The following NRG3 variants were observed in gnomAD, a reference collection of about 807,000 sequenced individuals.
The protein encoded by NRG3 is neuregulin 3.
NRG3 carries 31 observed loss-of-function variants against 66.9 expected under a neutral mutation model. The observed-to-expected ratio is 0.46, with a 90% CI of 0.35 to 0.63. The LOEUF (loss-of-function observed/expected upper bound fraction) is 0.63. NRG3 is among the 20% of genes least tolerant of loss of function. The pLI, the probability that NRG3 is intolerant of heterozygous loss-of-function variation, is 0.00. For missense variants in NRG3, 910 were observed against 878.9 expected, an observed-to-expected ratio of 1.04 and a Z score of -0.45; for synonymous variants, 393 against 359.4, an observed-to-expected ratio of 1.09 and a Z score of -1.06.
At chr10:82,943,196 G>C (rs1374591361) in intron 4 of NRG3, among the ~76,000 whole-genome samples, 1 of 152,126 alleles carries the variant, frequency 6.6e-6, no homozygotes, top group East Asian at 1.9e-4. Context: ...ATTATTCTAG[G>C]CACTTTGTTC....
rs577751138 is a variant in NRG3 at position 82,971,943 on chromosome 10, T to G, written c.1285-1845T>G. 1.8e-4 allele frequency among the ~76,000 whole-genome samples: 28 copies of G among 152,310 alleles called. No individual in the cohort carries two copies. In the South Asian group the frequency reaches 5.6e-3, roughly 30 times the overall value. ...ACATTGCAGGGTATATCTTTACCAATTCTGTCGACTTTTTTCTCTGTTGTT... is the reference window on the plus strand; with the variant it reads ...ACATTGCAGGGTATATCTTTACCAAGTCTGTCGACTTTTTTCTCTGTTGTT... On this transcript the variant is annotated intron_variant, in intron 6 of 8. Coordinates refer to ENST00000372141, the MANE Select transcript of NRG3 (RefSeq NM_001010848.4).
At chr10:82,087,375 C>A (rs929764106) in intron 1 of NRG3, among the ~76,000 whole-genome samples, 1 of 152,140 alleles carries the variant, frequency 6.6e-6, no homozygotes, top group African/African-American at 2.4e-5. Flanking sequence ...ACACCAGTAT[C>A]TGCTGATTTA....
intron 1 of NRG3, among the ~76,000 whole-genome samples, chr10:82,045,782 A>C (rs1369059507): frequency 1.4e-5 from 1 of 69,140 alleles, no homozygotes; most frequent in African/African-American, 4.9e-5. Context: ...AGCTTTCTAC[A>C]TATGGCTAGC....
chr10:81,966,480 T>A (rs2059735094), intron 1 of NRG3, among the ~76,000 whole-genome samples: 1 of 152,090 alleles, frequency 6.6e-6, no homozygotes, highest in Non-Finnish European at 1.5e-5. Flanking sequence ...ATTTATTTAT[T>A]TATATTTTTT....
rs186783975 is a variant in NRG3, at chr10:82,049,109, A to T, written c.823+172946A>T. 2.1e-4 allele frequency among the ~76,000 whole-genome samples: 32 copies of T among 152,258 alleles called. 1 individual carries two copies. The East Asian group carries it at 6.0e-3, about 29-fold the overall frequency. On this transcript the variant is annotated intron_variant, in intron 1 of 8. Transcript: ENST00000372141. ...AATAATGTTATTCAAAGTTCATCTG[A>T]CATGCTTTTTCATTTATTCTTCGTA...
At chr10:82,600,191 A>G (rs974335660) in intron 2 of NRG3, among the ~76,000 whole-genome samples, 45 of 152,288 alleles carry the variant, frequency 3.0e-4, no homozygotes, top group Admixed American at 2.9e-3. Flanking sequence ...TGCCTGTTTC[A>G]ATAGCTGTAA....
intron 3 of NRG3, among the ~76,000 whole-genome samples, chr10:82,771,902 C>A (rs569145255): frequency 6.6e-6 from 1 of 152,046 alleles, no homozygotes; most frequent in Non-Finnish European, 1.5e-5. Context: ...TTTGATTTCT[C>A]CCTCTTACTT....
chr10:82,360,787 G>C (rs529786622), intron 2 of NRG3, among the ~76,000 whole-genome samples: 24 of 151,830 alleles, frequency 1.6e-4, no homozygotes, highest in African/African-American at 5.6e-4. Context: ...ACTTATAGAT[G>C]GTCAAGGAGA....
At chr10:82,019,368 G>T (rs2061947508) in intron 1 of NRG3, among the ~76,000 whole-genome samples, 1 of 152,204 alleles carries the variant, frequency 6.6e-6, no homozygotes, top group Non-Finnish European at 1.5e-5. Flanking sequence ...TTGCATCAAT[G>T]TTCATCTGGG....
intron 1 of NRG3, among the ~76,000 whole-genome samples, chr10:82,042,521 GTA>G (rs1484078495): frequency 6.6e-6 from 1 of 151,950 alleles, no homozygotes; most frequent in East Asian, 1.9e-4. Context: ...TGGTGCTACT[GTA>G]TTTTTCCCCA....
chr10:81,991,122 T>G (rs555791493), intron 1 of NRG3, among the ~76,000 whole-genome samples: 1 of 152,150 alleles, frequency 6.6e-6, no homozygotes, highest in Admixed American at 6.5e-5. Flanking sequence ...CCAGGAAGAG[T>G]TGGGCATGGG....
At chr10:82,322,846 T>C (rs2135160440) in intron 1 of NRG3, among the ~76,000 whole-genome samples, 1 of 152,312 alleles carries the variant, frequency 6.6e-6, no homozygotes, top group East Asian at 1.9e-4. Context: ...TCATTTACAT[T>C]TGATGCTATT....
intron 2 of NRG3, among the ~76,000 whole-genome samples, chr10:82,488,784 G>T (rs1428461095): frequency 3.3e-5 from 5 of 152,182 alleles, no homozygotes; most frequent in Admixed American, 3.3e-4. Flanking sequence ...AGGAATTAAT[G>T]ATTTAATACC....
At chr10:82,638,524 T>C (rs2050348754) in intron 2 of NRG3, among the ~76,000 whole-genome samples, 1 of 152,196 alleles carries the variant, frequency 6.6e-6, no homozygotes, top group Non-Finnish European at 1.5e-5. Context: ...GTGACTTATG[T>C]CCCAGCTGGT....
At chr10:82,007,088 A>G (rs1241646728) in intron 1 of NRG3, among the ~76,000 whole-genome samples, 1 of 152,158 alleles carries the variant, frequency 6.6e-6, no homozygotes, top group Non-Finnish European at 1.5e-5. Flanking sequence ...TATGGCATTC[A>G]ATAGAATTAT....
intron 3 of NRG3, among the ~76,000 whole-genome samples, chr10:82,745,094 A>G (rs1454971298): frequency 6.6e-6 from 1 of 152,180 alleles, no homozygotes; most frequent in Admixed American, 6.5e-5. Flanking sequence ...TTGCTAAGGA[A>G]ATATAAAAAT....
chr10:82,866,983 A>G (rs1840807889), intron 4 of NRG3, among the ~76,000 whole-genome samples: 1 of 152,132 alleles, frequency 6.6e-6, no homozygotes, highest in Non-Finnish European at 1.5e-5. Flanking sequence ...AGAGAGAAAA[A>G]AAATGTTGGT....
At chr10:82,266,276 T>A (rs1271726918) in intron 1 of NRG3, among the ~76,000 whole-genome samples, 1 of 152,146 alleles carries the variant, frequency 6.6e-6, no homozygotes, top group East Asian at 1.9e-4. Context: ...GTGTGTTCTA[T>A]TATAATCCCA....
intron 2 of NRG3, among the ~76,000 whole-genome samples, chr10:82,587,289 A>G (rs961892996): frequency 2.6e-5 from 4 of 152,156 alleles, no homozygotes; most frequent in Non-Finnish European, 5.9e-5. Flanking sequence ...GTTTTTGAAA[A>G]TGTATTTTTA....
Sources: allele counts gnomAD v4.1 joint callset (sites outside exome capture counted in the v4.1 genomes callset), GRCh38; gene constraint gnomAD v4.1.1; transcripts MANE v1.5; gene names NCBI Gene and HGNC (gene_info 2026-07-23, HGNC 2026-07-21).